The following CCDC3 variants were observed in gnomAD, a reference collection of about 807,000 sequenced individuals.
CCDC3 encodes the protein coiled-coil domain-containing protein 3.
Under a neutral mutation model 21.4 loss-of-function variants are expected in CCDC3, and 24 were observed. The ratio of observed to expected loss-of-function variants is 1.12; its 90% CI spans 0.81 to 1.58. The LOEUF (loss-of-function observed/expected upper bound fraction) is 1.58, where lower values mean the gene tolerates loss of function less well. Among genes scored for constraint, CCDC3 ranks in the 40% most tolerant of loss-of-function variants. CCDC3 has a pLI of 0.00. For missense variants in CCDC3, 425 were observed against 360.9 expected (o/e 1.18, Z -1.44); for synonymous variants, 186 against 166.0 (o/e 1.12, Z -0.93).
At position 12,959,461 on chromosome 10, in the gene CCDC3, C is replaced by A. The variant is rs1171819472; in HGVS notation, c.549+38877G>T. Among the ~76,000 whole-genome samples the A allele has an allele frequency of 1.3e-5, 2 of 152,098 alleles. 1 individual carries two copies. The highest frequency in any genetic ancestry group is 4.1e-4 in the South Asian group (2 of 4,828). On this transcript the variant is annotated intron_variant, in intron 2 of 2. Coordinates refer to ENST00000378825, the MANE Select transcript of CCDC3 (RefSeq NM_031455.4). ...GGGATTACAGTCATGAGGCACCGTG[C>A]CCAACCTACAAGCTAAAAAGTTTAG...
rs1267570652 is a variant in CCDC3 at position 12,982,803 on chromosome 10, A to C, written c.549+15535T>G. On this transcript the variant is annotated intron_variant, in intron 2 of 2. Coordinates refer to ENST00000378825, the MANE Select transcript of CCDC3 (RefSeq NM_031455.4). ...GCAAGACTCTGTCTCAAAAAAAAAAAAAAAAAAAAAAAAAAACCATACCTC... is the reference window on the plus strand; with the variant it reads ...GCAAGACTCTGTCTCAAAAAAAAAACAAAAAAAAAAAAAAAACCATACCTC... 4.7e-5 allele frequency among the ~76,000 whole-genome samples: 7 copies of C among 149,362 alleles called. No homozygotes were observed. The East Asian group carries it at 1.2e-3, about 25-fold the overall frequency.
At chr10:12,945,652 G>A (rs893567364) in intron 2 of CCDC3, among the ~76,000 whole-genome samples, 1 of 152,178 alleles carries the variant, frequency 6.6e-6, no homozygotes, top group African/African-American at 2.4e-5. Context: ...CTCTTAATAA[G>A]ATAGGGTAAA....
chr10:13,002,357 T>A (rs1835869972), upstream of CCDC3, among the ~76,000 whole-genome samples: 2 of 152,160 alleles, frequency 1.3e-5, no homozygotes, highest in African/African-American at 4.8e-5. Flanking sequence ...AGTTCCATCT[T>A]TATCTCTAAA....
chr10:13,058,663 T>G (rs1836713891), intron 4 of CCDC3: 1 of 525,052 alleles, frequency 1.9e-6, no homozygotes, highest in Non-Finnish European at 3.4e-6. Context: ...TTTAACAACT[T>G]TAACAAACCC....
At chr10:12,965,200 A>G (rs1835243515) in intron 2 of CCDC3, among the ~76,000 whole-genome samples, 1 of 152,142 alleles carries the variant, frequency 6.6e-6, no homozygotes, top group Non-Finnish European at 1.5e-5. Context: ...GCTTTCCCCA[A>G]AAAGAGGGTA....
chr10:12,898,257 G>T lies in CCDC3; in HGVS notation c.*159C>A, dbSNP rs1175366148. ...TCTGACATTGAGGCCAGCACCCAAGGGGAAAGCAAGCCTTGCATTTTATCC... is the reference window on the plus strand; with the variant it reads ...TCTGACATTGAGGCCAGCACCCAAGTGGAAAGCAAGCCTTGCATTTTATCC... On this transcript the variant is annotated 3_prime_UTR_variant, in exon 3 of 3. Transcript: ENST00000378825. 3 of 875,548 alleles carry T rather than the reference G, an allele frequency of 3.4e-6. No individual in the cohort carries two copies. The highest frequency in any genetic ancestry group is 3.4e-5 in the African/African-American group (2 of 59,060). 54.2% of individuals were successfully genotyped at this position (875,548 alleles called of 1,614,324 possible). A position where few individuals can be genotyped will look rare whatever the true frequency, so the allele number is the denominator to read the frequency against.
chr10:13,022,335 G>T (rs1836157255), intron 5 of CCDC3, among the ~76,000 whole-genome samples: 1 of 151,960 alleles, frequency 6.6e-6, no homozygotes, highest in Non-Finnish European at 1.5e-5. Flanking sequence ...TCTCTGTCTT[G>T]CTCCCTCCTT....
intron 4 of CCDC3, among the ~76,000 whole-genome samples, chr10:13,053,069 T>C (rs1398733629): frequency 6.6e-6 from 1 of 152,078 alleles, no homozygotes; most frequent in Non-Finnish European, 1.5e-5. Flanking sequence ...TGGATACTTC[T>C]GGTCCCAAAA....
chr10:12,938,646 A>G (rs1399821231), intron 2 of CCDC3, among the ~76,000 whole-genome samples: 1 of 152,226 alleles, frequency 6.6e-6, no homozygotes, highest in Non-Finnish European at 1.5e-5. Context: ...TGTGCAAAAT[A>G]CAGAACACTG....
intron 2 of CCDC3, among the ~76,000 whole-genome samples, chr10:12,981,638 G>C (rs1328408151): frequency 6.6e-6 from 1 of 152,166 alleles, no homozygotes; most frequent in Non-Finnish European, 1.5e-5. Context: ...GGCAGGGTGA[G>C]AACTTTCTCC....
At chr10:12,942,087 T>C (rs981590344) in intron 2 of CCDC3, among the ~76,000 whole-genome samples, 3 of 152,202 alleles carry the variant, frequency 2.0e-5, no homozygotes, top group African/African-American at 7.2e-5. Flanking sequence ...GTCCATTTTC[T>C]CTCTTGTTTT....
intron 2 of CCDC3, among the ~76,000 whole-genome samples, chr10:12,972,180 G>A (rs901379659): frequency 2.0e-5 from 3 of 152,040 alleles, no homozygotes; most frequent in African/African-American, 7.2e-5. Flanking sequence ...ACCCACACAT[G>A]CCCTTAAACT....
chr10:13,010,388 T>C (rs1412666520), intron 5 of CCDC3, among the ~76,000 whole-genome samples: 1 of 152,128 alleles, frequency 6.6e-6, no homozygotes, highest in African/African-American at 2.4e-5. Flanking sequence ...TCAAAGTCAT[T>C]AGTCACTAGG....
At chr10:12,909,165 C>A (rs1257307863) in intron 2 of CCDC3, among the ~76,000 whole-genome samples, 1 of 152,154 alleles carries the variant, frequency 6.6e-6, no homozygotes, top group Non-Finnish European at 1.5e-5. Flanking sequence ...CAGTCCTTAG[C>A]CAGTCACGGC....
chr10:13,039,189 G>A (rs1466025343), intron 5 of CCDC3, among the ~76,000 whole-genome samples: 1 of 152,140 alleles, frequency 6.6e-6, no homozygotes, highest in African/African-American at 2.4e-5. Context: ...GCCGAGGCGG[G>A]CAGATCTCCT....
chr10:12,900,513 C>G (rs1452182993), intron 2 of CCDC3, among the ~76,000 whole-genome samples: 1 of 66,362 alleles, frequency 1.5e-5, no homozygotes, highest in Non-Finnish European at 2.7e-5. Context: ...CCCATTTCTA[C>G]TAAAAATACA....
intron 2 of CCDC3, among the ~76,000 whole-genome samples, chr10:12,926,122 G>T (rs919597731): frequency 1.2e-4 from 18 of 152,252 alleles, no homozygotes; most frequent in African/African-American, 3.6e-4. Context: ...ATACTGGGAA[G>T]AGTGAAAACA....
intron 5 of CCDC3, among the ~76,000 whole-genome samples, chr10:13,049,076 C>T (rs1836569653): frequency 6.6e-6 from 1 of 152,150 alleles, no homozygotes; most frequent in East Asian, 1.9e-4. Flanking sequence ...GGCTTTGGGA[C>T]ATCTTAGGCA....
intron 5 of CCDC3, among the ~76,000 whole-genome samples, chr10:13,016,954 G>T (rs1051743191): frequency 3.9e-5 from 6 of 152,060 alleles, no homozygotes; most frequent in Non-Finnish European, 8.8e-5. Context: ...GGAGAGGACA[G>T]AAACAAGGGA....
Sources: gnomAD v4.1 joint callset for allele counts (sites outside exome capture counted in the v4.1 genomes callset) on GRCh38, gnomAD v4.1.1 for gene constraint, MANE v1.5 for transcripts, NCBI Gene and HGNC (gene_info 2026-07-23, HGNC 2026-07-21) for gene names.